The following NLGN1 variants were observed in gnomAD, a reference collection of about 807,000 sequenced individuals.
The protein encoded by NLGN1 is neuroligin 1.
Under a neutral mutation model 65.5 loss-of-function variants are expected in NLGN1, and 12 were observed. The ratio of observed to expected loss-of-function variants is 0.18; its 90% confidence interval spans 0.12 to 0.30. The LOEUF (loss-of-function observed/expected upper bound fraction) is 0.30, where lower values mean the gene tolerates loss of function less well. NLGN1 is among the 10% of genes least tolerant of loss of function. NLGN1 has a pLI of 1.00. For missense variants in NLGN1, 750 were observed against 1,007.1 expected (o/e 0.74, Z 3.46); for synonymous variants, 350 against 359.5 (o/e 0.97, Z 0.30).
chr3:174,285,624 C>T (rs965408224), exon 7 of NLGN1: 13 of 151,398 alleles, frequency 8.6e-5, no homozygotes, highest in African/African-American at 3.1e-4. Context: ...TGGTGGCCAA[C>T]TTGATTCTTT....
intron 4 of NLGN1, among the ~76,000 whole-genome samples, chr3:174,228,074 AT>A (rs137997573): frequency 2.9e-4 from 43 of 148,956 alleles, no homozygotes; most frequent in African/African-American, 4.2e-4. Context: ...TTCTCTCTCC[AT>A]TTTTTTTTTA....
chr3:173,558,471 C>T (rs1742095526), intron 2 of NLGN1, among the ~76,000 whole-genome samples: 1 of 152,104 alleles, frequency 6.6e-6, no homozygotes, highest in Admixed American at 6.5e-5. Flanking sequence ...TAGTTAATAT[C>T]ATGTCACAGG....
chr3:174,185,481 C>A (rs1731223173), intron 4 of NLGN1, among the ~76,000 whole-genome samples: 1 of 152,104 alleles, frequency 6.6e-6, no homozygotes, highest in Non-Finnish European at 1.5e-5. Context: ...ATAACAGCAT[C>A]TGGCTAGTGG....
chr3:173,919,263 T>C (rs962295823), intron 4 of NLGN1, among the ~76,000 whole-genome samples: 1 of 152,154 alleles, frequency 6.6e-6, no homozygotes, highest in African/African-American at 2.4e-5. Context: ...CTACAGAGAA[T>C]ATGAAGGAAA....
At chr3:173,906,448 T>C (rs960858391) in intron 4 of NLGN1, among the ~76,000 whole-genome samples, 5 of 152,154 alleles carry the variant, frequency 3.3e-5, no homozygotes, top group African/African-American at 1.2e-4. Flanking sequence ...TACTTTGGGA[T>C]AGTCTCTAAG....
chr3:173,879,622 T>A (rs142140440), intron 4 of NLGN1, among the ~76,000 whole-genome samples: 1 of 149,462 alleles, frequency 6.7e-6, no homozygotes, highest in African/African-American at 2.4e-5. Flanking sequence ...TGAATATTGA[T>A]GACTTTTTTC....
chr3:173,625,638 T>G (rs1473001756), intron 3 of NLGN1, among the ~76,000 whole-genome samples: 1 of 152,168 alleles, frequency 6.6e-6, no homozygotes, highest in East Asian at 1.9e-4. Flanking sequence ...GTACTAGTTA[T>G]AGATTAATAA....
chr3:173,535,051 T>C (rs1367585461), intron 2 of NLGN1, among the ~76,000 whole-genome samples: 1 of 151,926 alleles, frequency 6.6e-6, no homozygotes, highest in Non-Finnish European at 1.5e-5. Context: ...ATGCTGAGAG[T>C]GCCCGTTTCA....
At chr3:173,545,382 A>G (rs1577205533) in intron 2 of NLGN1, among the ~76,000 whole-genome samples, 1 of 152,178 alleles carries the variant, frequency 6.6e-6, no homozygotes, top group Admixed American at 6.5e-5. Context: ...CCCTCGGTAA[A>G]GTTTTTATTA....
chr3:173,744,272 T>C (rs1208860207), intron 3 of NLGN1, among the ~76,000 whole-genome samples: 1 of 152,126 alleles, frequency 6.6e-6, no homozygotes, highest in Non-Finnish European at 1.5e-5. Flanking sequence ...CAATAGGTGT[T>C]CAAAAAGTGT....
At chr3:173,461,723 A>G (rs1723423450) in intron 2 of NLGN1, among the ~76,000 whole-genome samples, 2 of 152,170 alleles carry the variant, frequency 1.3e-5, no homozygotes, top group African/African-American at 2.4e-5. Flanking sequence ...TTATCTCTCT[A>G]TATGATGTAA....
exon 7 of NLGN1, chr3:174,282,336 C>T (rs1199495816): frequency 3.9e-5 from 6 of 152,090 alleles, no homozygotes; most frequent in African/African-American, 1.5e-4. Context: ...TTACTTGCAA[C>T]AGTCTTTCAT....
chr3:174,034,464 T>C (rs1730698235), intron 4 of NLGN1, among the ~76,000 whole-genome samples: 1 of 152,000 alleles, frequency 6.6e-6, no homozygotes, highest in African/African-American at 2.4e-5. Flanking sequence ...AAGATAACTA[T>C]TAAAAAATAA....
intron 5 of NLGN1, among the ~76,000 whole-genome samples, chr3:174,275,890 G>T (rs542851224): frequency 6.6e-6 from 1 of 151,760 alleles, no homozygotes; most frequent in East Asian, 2.0e-4. Context: ...TTACATGCAG[G>T]GATTGTATAT....
At chr3:173,520,433 T>C (rs1396659940) in intron 2 of NLGN1, among the ~76,000 whole-genome samples, 1 of 152,202 alleles carries the variant, frequency 6.6e-6, no homozygotes, top group Non-Finnish European at 1.5e-5. Flanking sequence ...TGATAATCCA[T>C]TTAGTCACCT....
chr3:173,895,513 T>C (rs77154330), intron 4 of NLGN1, among the ~76,000 whole-genome samples: 7,748 of 152,218 alleles, frequency 0.051, 279 homozygotes, highest in Middle Eastern at 0.086. Context: ...GAACTCAACC[T>C]GAATGGAGAC....
chr3:174,266,834 T>G (rs1748343130), intron 4 of NLGN1, among the ~76,000 whole-genome samples: 2 of 152,206 alleles, frequency 1.3e-5, no homozygotes, highest in Admixed American at 1.3e-4. Flanking sequence ...CTTTTTGTAA[T>G]TTTTAAAAAC....
chr3:173,499,512 G>A (rs1310095217), intron 2 of NLGN1, among the ~76,000 whole-genome samples: 1 of 151,776 alleles, frequency 6.6e-6, no homozygotes, highest in Non-Finnish European at 1.5e-5. Context: ...TTGTTCTTTT[G>A]CGTTAGGATT....
chr3:174,281,157 A>G (rs748518481), exon 7 of NLGN1: 1 of 1,613,252 alleles, frequency 6.2e-7, no homozygotes, highest in Non-Finnish European at 8.5e-7. Flanking sequence ...TGTTCCCTTA[A>G]TGACACCCAA....
Sources: allele counts gnomAD v4.1 joint callset (sites outside exome capture counted in the v4.1 genomes callset), GRCh38; gene constraint gnomAD v4.1.1; transcripts MANE v1.5; gene names NCBI Gene and HGNC (gene_info 2026-07-23, HGNC 2026-07-21).